The following RALY variants were observed in gnomAD, a reference collection of about 807,000 sequenced individuals.
RALY encodes the protein RALY heterogeneous nuclear ribonucleoprotein.
RALY carries 15 observed loss-of-function variants against 30.7 expected under a neutral mutation model. That is an observed-to-expected ratio of 0.49 (90% confidence interval 0.33 to 0.75). The LOEUF (loss-of-function observed/expected upper bound fraction) is 0.75. RALY is among the 30% of genes least tolerant of loss of function. The pLI is 0.02. For synonymous variants in RALY, 177 were observed against 170.8 expected, an observed-to-expected ratio of 1.04 and a Z score of -0.28; for missense variants, 339 against 414.3, an observed-to-expected ratio of 0.82 and a Z score of 1.58.
intron 2 of RALY, among the ~76,000 whole-genome samples, chr20:34,033,854 C>A (rs1239395222): frequency 6.6e-6 from 1 of 152,142 alleles, no homozygotes; most frequent in Admixed American, 6.5e-5. Context: ...CACTGTAAAT[C>A]TTCTTCTGTG....
intron 2 of RALY, among the ~76,000 whole-genome samples, chr20:34,035,996 G>A (rs182644363): frequency 1.3e-5 from 2 of 152,332 alleles, no homozygotes; most frequent in Admixed American, 1.3e-4. Flanking sequence ...TGTGGCTACA[G>A]ATGGAGTAAA....
chr20:34,066,334 C>T (rs2033571198), intron 2 of RALY, among the ~76,000 whole-genome samples: 1 of 152,064 alleles, frequency 6.6e-6, no homozygotes, highest in Non-Finnish European at 1.5e-5. Context: ...CAAAAATTAG[C>T]TGGCTGTGGT....
chr20:34,009,572 C>G (rs998699158), intron 1 of RALY, among the ~76,000 whole-genome samples: 2 of 152,132 alleles, frequency 1.3e-5, no homozygotes, highest in African/African-American at 4.8e-5. Flanking sequence ...TCCTTGTACA[C>G]TGGCTAGTCC....
chr20:34,068,135 A>G (rs569736202), intron 2 of RALY, among the ~76,000 whole-genome samples: 1 of 152,190 alleles, frequency 6.6e-6, no homozygotes, highest in South Asian at 2.1e-4. Context: ...GCCACCAAGA[A>G]CAATCCTTCT....
rs145218985 is a variant in RALY, at chr20:34,078,382, G to C, written c.877-123G>C. 1.2e-4 allele frequency: 100 copies of C among 813,502 alleles called. No homozygotes were observed. In the African/African-American group the frequency reaches 1.6e-3, roughly 13 times the overall value. The allele number at this position is 813,502 out of a possible 1,614,324, so 50.4% of individuals were successfully genotyped here. A position where few individuals can be genotyped will look rare whatever the true frequency, so the allele number is the denominator to read the frequency against. On this transcript the variant is annotated intron_variant, in intron 8 of 9. Transcript: ENST00000246194. ...AGTCATTCCCCTTGGCTGTTCCTGC[G>C]TCTTCTGACTGTGTCCTCTAGATGC...
At chr20:34,037,403 G>A (rs996805665) in intron 2 of RALY, among the ~76,000 whole-genome samples, 3 of 152,186 alleles carry the variant, frequency 2.0e-5, no homozygotes, top group Admixed American at 6.5e-5. Flanking sequence ...AGAAGAGACC[G>A]CTGCCCGCCT....
chr20:34,062,710 T>G (rs1266521079), intron 2 of RALY, among the ~76,000 whole-genome samples: 1 of 152,250 alleles, frequency 6.6e-6, no homozygotes. Context: ...CTGACTTCCC[T>G]GTGGGAAAGA....
intron 8 of RALY, 97 bp from the exon 9 acceptor site, chr20:34,078,408 C>A (rs1465490577): frequency 3.5e-6 from 4 of 1,140,288 alleles, no homozygotes; most frequent in Non-Finnish European, 4.8e-6. Context: ...CTCTAGATGC[C>A]CTCTGGACCA....
At chr20:34,001,612 C>T (rs1601396654) in intron 1 of RALY, among the ~76,000 whole-genome samples, 1 of 152,140 alleles carries the variant, frequency 6.6e-6, no homozygotes, top group African/African-American at 2.4e-5. Flanking sequence ...TACATGGTGT[C>T]TCTTGATCTA....
chr20:34,037,925 CTG>C (rs1355139565), intron 2 of RALY, among the ~76,000 whole-genome samples: 1 of 152,182 alleles, frequency 6.6e-6, no homozygotes, highest in Non-Finnish European at 1.5e-5. Context: ...GAGCGGGTAT[CTG>C]TGGGGGAGGC....
At chr20:34,075,112 G>A (rs6087554) in intron 5 of RALY, among the ~76,000 whole-genome samples, 13,693 of 152,074 alleles carry the variant, frequency 0.09, 713 homozygotes, top group African/African-American at 0.14. Flanking sequence ...TGGGGGCAGT[G>A]CACAGCCTGG....
intron 1 of RALY, among the ~76,000 whole-genome samples, chr20:34,008,592 A>G (rs1482538335): frequency 6.6e-6 from 1 of 152,230 alleles, no homozygotes; most frequent in Non-Finnish European, 1.5e-5. Flanking sequence ...ATCAGAGGTC[A>G]CATACTGGTA....
chr20:34,077,324 T>A, intron 8 of RALY, 79 bp downstream of exon 8: 1 of 1,580,494 alleles, frequency 6.3e-7, no homozygotes, highest in Non-Finnish European at 8.6e-7. Context: ...ATGGGCAGCC[T>A]GAGCTGGTTG....
intron 1 of RALY, among the ~76,000 whole-genome samples, chr20:33,998,770 G>A (rs2030763470): frequency 6.6e-6 from 1 of 152,116 alleles, no homozygotes; most frequent in Non-Finnish European, 1.5e-5. Flanking sequence ...TAGGAGGTTG[G>A]CAAGAGGTGA....
chr20:34,013,300 G>A (rs747554654), intron 1 of RALY, among the ~76,000 whole-genome samples: 16 of 151,382 alleles, frequency 1.1e-4, no homozygotes, highest in Non-Finnish European at 2.1e-4. Context: ...AGTCTCAGCA[G>A]CTACTTGGGA....
At chr20:34,032,292 A>T (rs946720523) in intron 2 of RALY, among the ~76,000 whole-genome samples, 11 of 152,118 alleles carry the variant, frequency 7.2e-5, no homozygotes, top group African/African-American at 2.6e-4. Context: ...TTTAGTTTTT[A>T]CTGTGATCTG....
chr20:33,997,397 T>A (rs1489318286), intron 1 of RALY, among the ~76,000 whole-genome samples: 1 of 152,200 alleles, frequency 6.6e-6, no homozygotes. Context: ...ATTACAGGCA[T>A]GAGCCACCAC....
In RALY at chr20:34,081,502, C is replaced by T. The variant is rs1286309788; in HGVS notation, c.*1597C>T. On this transcript the variant is annotated 3_prime_UTR_variant, in exon 10 of 10. Coordinates refer to ENST00000246194, the MANE Select transcript of RALY (RefSeq NM_016732.3). ...CATCAAAAAGGGCTTTAGGTTTTCCCTCCATCTTTACGTGTTGATCAAAGT... is the reference window on the plus strand; with the variant it reads ...CATCAAAAAGGGCTTTAGGTTTTCCTTCCATCTTTACGTGTTGATCAAAGT... 1 of 152,338 alleles carries T rather than the reference C, an allele frequency of 6.6e-6. No homozygotes were observed. Among genetic ancestry groups the T allele is most frequent in the Non-Finnish European group, 1.5e-5 (1 of 68,060 alleles). 9.4% of individuals were successfully genotyped at this position (152,338 alleles called of 1,614,324 possible).
At chr20:34,023,763 A>G (rs1014408469) in intron 1 of RALY, among the ~76,000 whole-genome samples, 13 of 152,076 alleles carry the variant, frequency 8.5e-5, no homozygotes, top group African/African-American at 3.1e-4. Context: ...ATAGGGCCAG[A>G]ACCAGTCTCC....
Sources: gnomAD v4.1 joint callset for allele counts (sites outside exome capture counted in the v4.1 genomes callset) on GRCh38, gnomAD v4.1.1 for gene constraint, MANE v1.5 for transcripts, NCBI Gene and HGNC (gene_info 2026-07-23, HGNC 2026-07-21) for gene names.